The following CEP112 variants were observed in gnomAD, a reference collection of about 807,000 sequenced individuals.
CEP112 encodes the protein centrosomal protein 112.
CEP112 carries 127 observed loss-of-function variants against 153.0 expected under a neutral mutation model. That is an observed-to-expected ratio of 0.83 (90% CI 0.72 to 0.96). The LOEUF (loss-of-function observed/expected upper bound fraction) is 0.96, where lower values mean the gene tolerates loss of function less well. Ranked by LOEUF, CEP112 falls within the 40% of genes least tolerant of loss-of-function variation. The pLI is 0.00. For missense variants in CEP112, 1,089 were observed against 1,101.2 expected (o/e 0.99, Z 0.16); for synonymous variants, 358 against 374.4 (o/e 0.96, Z 0.51).
At chr17:65,848,630 T>G (rs2057811485) in intron 21 of CEP112, among the ~76,000 whole-genome samples, 1 of 152,114 alleles carries the variant, frequency 6.6e-6, no homozygotes, top group African/African-American at 2.4e-5. Context: ...CTGTGGGTGA[T>G]TCCCACAGCT....
intron 21 of CEP112, among the ~76,000 whole-genome samples, chr17:65,796,502 T>C (rs1258117660): frequency 6.6e-6 from 1 of 152,166 alleles, no homozygotes; most frequent in Non-Finnish European, 1.5e-5. Context: ...TTTAAATTTC[T>C]TCTACGTAGA....
chr17:65,929,616 T>C (rs2061051389), intron 18 of CEP112, among the ~76,000 whole-genome samples: 1 of 148,640 alleles, frequency 6.7e-6, no homozygotes, highest in South Asian at 2.3e-4. Context: ...CACTATATAA[T>C]CTACATCTTC....
chr17:65,767,966 C>T (rs2053094000), intron 21 of CEP112, among the ~76,000 whole-genome samples: 1 of 152,054 alleles, frequency 6.6e-6, no homozygotes, highest in African/African-American at 2.4e-5. Flanking sequence ...AATACCAACA[C>T]TTCTTAAATA....
intron 18 of CEP112, among the ~76,000 whole-genome samples, chr17:65,936,430 T>G (rs1178328820): frequency 6.6e-6 from 1 of 152,050 alleles, no homozygotes; most frequent in Non-Finnish European, 1.5e-5. Flanking sequence ...ATAAGGCCAA[T>G]GTTACCCTGA....
chr17:66,185,264 A>G (rs544582349), intron 1 of CEP112, among the ~76,000 whole-genome samples: 24 of 152,354 alleles, frequency 1.6e-4, no homozygotes, highest in African/African-American at 5.8e-4. Flanking sequence ...TCTGTTCTCC[A>G]GGCTATGGAG....
intron 18 of CEP112, among the ~76,000 whole-genome samples, chr17:65,928,981 T>C (rs555153417): frequency 2.6e-5 from 4 of 152,340 alleles, no homozygotes; most frequent in Admixed American, 2.6e-4. Context: ...TCCATTTATA[T>C]TAAATTTCCA....
chr17:66,029,767 A>C (rs971365770), intron 13 of CEP112, 102 bp downstream of exon 13: 1 of 965,268 alleles, frequency 1.0e-6, no homozygotes, highest in African/African-American at 1.7e-5. Flanking sequence ...AAACTTCCCA[A>C]GGCTAAACGC....
chr17:66,030,715 G>C (rs571671698), intron 12 of CEP112, among the ~76,000 whole-genome samples: 1 of 151,896 alleles, frequency 6.6e-6, no homozygotes, highest in Admixed American at 6.6e-5. Context: ...AATTTAAAAC[G>C]TGGATAAAGG....
chr17:65,682,017 G>A (rs943083641), intron 24 of CEP112, among the ~76,000 whole-genome samples: 7 of 149,578 alleles, frequency 4.7e-5, no homozygotes, highest in African/African-American at 1.7e-4. Flanking sequence ...TTTTTGAGAT[G>A]GAGTCTCACT....
At chr17:65,664,143 C>T (rs1171440822) in intron 24 of CEP112, among the ~76,000 whole-genome samples, 1 of 152,200 alleles carries the variant, frequency 6.6e-6, no homozygotes, top group Non-Finnish European at 1.5e-5. Flanking sequence ...AGATCTTTGG[C>T]CATGGCATTG....
intron 21 of CEP112, among the ~76,000 whole-genome samples, chr17:65,799,869 T>C (rs546502090): frequency 3.3e-5 from 5 of 152,316 alleles, no homozygotes; most frequent in East Asian, 1.9e-4. Context: ...GATTTTTCTA[T>C]AGTTGTTTTA....
intron 4 of CEP112, among the ~76,000 whole-genome samples, chr17:66,156,938 A>G (rs2071468423): frequency 6.6e-6 from 1 of 152,174 alleles, no homozygotes; most frequent in African/African-American, 2.4e-5. Context: ...AATGGAACCA[A>G]GTTGGAAAAC....
At chr17:65,729,625 T>C (rs1188620940) in intron 23 of CEP112, among the ~76,000 whole-genome samples, 1 of 152,160 alleles carries the variant, frequency 6.6e-6, no homozygotes, top group East Asian at 1.9e-4. Context: ...TTTTTAAAAT[T>C]AAAAAACTAA....
At chr17:65,837,741 T>C (rs569554696) in intron 21 of CEP112, among the ~76,000 whole-genome samples, 2 of 152,266 alleles carry the variant, frequency 1.3e-5, no homozygotes, top group South Asian at 4.1e-4. Flanking sequence ...TGTTCTGTAC[T>C]AAGAAAAATT....
chr17:65,767,441 G>A (rs769092983), intron 21 of CEP112, among the ~76,000 whole-genome samples: 1 of 151,688 alleles, frequency 6.6e-6, no homozygotes, highest in African/African-American at 2.4e-5. Flanking sequence ...TTAAAAAGAA[G>A]ATCCCAAATA....
intron 21 of CEP112, among the ~76,000 whole-genome samples, chr17:65,756,006 A>G (rs1293691880): frequency 6.6e-6 from 1 of 152,204 alleles, no homozygotes; most frequent in East Asian, 1.9e-4. Flanking sequence ...ATGAGATCCC[A>G]AGTATACACA....
At chr17:65,869,820 C>T (rs1488835374) in intron 20 of CEP112, among the ~76,000 whole-genome samples, 1 of 151,794 alleles carries the variant, frequency 6.6e-6, no homozygotes, top group Non-Finnish European at 1.5e-5. Flanking sequence ...CTCCTGACCT[C>T]GTGATCCACC....
chr17:65,810,913 G>C (rs982419919), intron 21 of CEP112, among the ~76,000 whole-genome samples: 2 of 152,156 alleles, frequency 1.3e-5, no homozygotes, highest in Non-Finnish European at 2.9e-5. Flanking sequence ...TGCAATTGCA[G>C]AGTAGATTTG....
rs567932154 is a variant in CEP112, at chr17:66,120,237, A to G, written c.642+9509T>C. 3.3e-5 allele frequency among the ~76,000 whole-genome samples: 5 copies of G among 152,122 alleles called. No individual in the cohort carries two copies. In the East Asian group the frequency reaches 7.8e-4, roughly 24 times the overall value. ...TGTTTTTGAGATGGAGTCTCACTCC[A>G]TCGCCCAGGCTGGAGTGCAGTGGCA... On this transcript the variant is annotated intron_variant, in intron 6 of 26. Transcript: ENST00000535342.
Sources: allele counts gnomAD v4.1 joint callset (sites outside exome capture counted in the v4.1 genomes callset), GRCh38; gene constraint gnomAD v4.1.1; transcripts MANE v1.5; gene names NCBI Gene and HGNC (gene_info 2026-07-23, HGNC 2026-07-21).